TRPV2: variants seen among roughly 807,000 people sequenced by gnomAD.
TRPV2 encodes the protein transient receptor potential cation channel subfamily V member 2.
In TRPV2, 58 loss-of-function variants were observed where a neutral mutation model predicts 91.0. The observed-to-expected ratio is 0.64, with a 90% CI of 0.52 to 0.79. The LOEUF (loss-of-function observed/expected upper bound fraction) is 0.79. Among genes scored for constraint, TRPV2 ranks in the 30% least tolerant of loss-of-function variants. TRPV2 has a pLI of 0.00. For missense variants in TRPV2, 807 were observed against 969.6 expected, an observed-to-expected ratio of 0.83 and a Z score of 2.23; for synonymous variants, 417 against 414.8, an observed-to-expected ratio of 1.01 and a Z score of -0.06.
At chr17:16,430,800 T>A (rs1313373291) in intron 10 of TRPV2, among the ~76,000 whole-genome samples, 3 of 152,152 alleles carry the variant, frequency 2.0e-5, no homozygotes, top group Non-Finnish European at 4.4e-5. Context: ...CCTTCCTTTG[T>A]AAGGCTGAAT....
intron 9 of TRPV2, 123 bp downstream of exon 9, chr17:16,428,510 T>C: frequency 9.5e-7 from 1 of 1,050,736 alleles, no homozygotes. Flanking sequence ...TCGGGATCTG[T>C]GTACAGGCCA....
chr17:16,422,382 C>T (rs979363751), intron 3 of TRPV2, among the ~76,000 whole-genome samples: 24 of 151,794 alleles, frequency 1.6e-4, no homozygotes, highest in Non-Finnish European at 2.8e-4. Context: ...AATTTCGTTT[C>T]TAGGGCAGAA....
chr17:16,418,804 C>T (rs2093343047), intron 2 of TRPV2, among the ~76,000 whole-genome samples: 1 of 152,142 alleles, frequency 6.6e-6, no homozygotes. Flanking sequence ...GCCACTTCTG[C>T]CAGCCAGACT....
chr17:16,422,660 T>C lies in TRPV2; in HGVS notation c.396T>C (p.Asn132=). The part of the protein sequence containing the change: ...KAVLNLKDGV[N]ACILPLLQID... Reference sequence around the variant, plus strand: ...TGCTGAACCTTAAGGACGGAGTCAATGCCTGCATTCTGCCACTGCTGCAGA... The same window carrying C: ...TGCTGAACCTTAAGGACGGAGTCAACGCCTGCATTCTGCCACTGCTGCAGA... The change falls in exon 4 of 15, where the codon AAT becomes AAC. Residue 132 remains asparagine, a synonymous_variant. Coordinates refer to ENST00000338560, the MANE Select transcript of TRPV2 (RefSeq NM_016113.5). The C allele has an allele frequency of 6.2e-7, 1 of 1,614,070 alleles. No individual in the cohort carries two copies. Among genetic ancestry groups the C allele is most frequent in the Non-Finnish European group, 8.5e-7 (1 of 1,179,980 alleles).
rs2093382782 is a variant in TRPV2 at position 16,426,267 on chromosome 17, C to G, written c.1093C>G (p.Pro365Ala). The change falls in exon 6 of 15, where the codon CCG becomes GCG. Residue 365 changes from proline (P) to alanine (A), a missense_variant and splice_region_variant. Physicochemically the swap from Pro to Ala is conservative, Grantham distance 27. Coordinates refer to ENST00000338560, the MANE Select transcript of TRPV2 (RefSeq NM_016113.5). The surrounding 1 kb of genome is among the most constrained non-coding windows in gnomAD (Gnocchi z 6.0). ...LEIIAFHCKS[P>A]HRHRMVVLEP... ...GATCATTGCCTTTCATTGCAAGAGC[C>G]CGGTGAGCCCACAGGAGCATGGGTG... The G allele has an allele frequency of 1.2e-6, 2 of 1,614,070 alleles. No homozygotes were observed. Among genetic ancestry groups the G allele is most frequent in the Non-Finnish European group, 1.7e-6 (2 of 1,179,988 alleles).
intron 13 of TRPV2, chr17:16,434,687 C>T (rs2093427999): frequency 1.9e-6 from 1 of 520,016 alleles, no homozygotes; most frequent in African/African-American, 2.0e-5. Context: ...CTGATTCCTG[C>T]AAGTGAGCAC....
chr17:16,422,596 C>T lies in TRPV2; in HGVS notation c.335-3C>T. 1 of 1,611,364 alleles carries T rather than the reference C, an allele frequency of 6.2e-7. No homozygotes were observed. Among genetic ancestry groups the T allele is most frequent in the Non-Finnish European group, 8.5e-7 (1 of 1,178,220 alleles). The stretch of plus-strand genomic sequence containing the variant: ...TGCCCCTTCCCCTCCCTTCTTCCCA[C>T]AGAGGGCTCCACAGGTAAGACGTGC... On this transcript the variant is annotated splice_region_variant and splice_polypyrimidine_tract_variant and intron_variant, in intron 3 of 14. Transcript: ENST00000338560.
In TRPV2 at chr17:16,434,845, G is replaced by C. The variant is rs977589400; in HGVS notation, c.2115-45G>C. ...CGCCCCTCTCCGGGGTGGGAGGGGA[G>C]GCGGTCAAAGCAGGCAAACCTCAGA... On this transcript the variant is annotated intron_variant, in intron 13 of 14. Transcript: ENST00000338560. The C allele has an allele frequency of 3.1e-6, 5 of 1,590,346 alleles. No individual in the cohort carries two copies. In the African/African-American group the frequency reaches 6.7e-5, roughly 21 times the overall value.
At chr17:16,433,754 G>T in intron 13 of TRPV2, 56 bp downstream of exon 13, 1 of 1,597,146 alleles carries the variant, frequency 6.3e-7, no homozygotes. Context: ...AATCCCTGGG[G>T]CCCCCCTGCA....
intron 10 of TRPV2, among the ~76,000 whole-genome samples, chr17:16,431,291 A>ATATTTT (rs1333090555): frequency 7.4e-5 from 5 of 67,388 alleles, no homozygotes; most frequent in South Asian, 5.5e-4. Context: ...ATATATACAT[A>ATATTTT]TTTTTTTTTT....
intron 8 of TRPV2, 104 bp from the exon 9 acceptor site, chr17:16,428,213 C>G: frequency 1.9e-6 from 2 of 1,045,132 alleles, no homozygotes; most frequent in Non-Finnish European, 3.0e-6. Context: ...ACCAAAGCTG[C>G]TGACTTAGCT....
chr17:16,430,144 C>T (rs1385072982), intron 10 of TRPV2, among the ~76,000 whole-genome samples: 1 of 152,056 alleles, frequency 6.6e-6, no homozygotes, highest in Non-Finnish European at 1.5e-5. Context: ...GGATTACAGG[C>T]ATGAGCTACT....
intron 4 of TRPV2, 145 bp downstream of exon 4, chr17:16,423,034 C>A: frequency 9.6e-7 from 1 of 1,042,790 alleles, no homozygotes; most frequent in Non-Finnish European, 1.3e-6. Context: ...AGGCTGCCTG[C>A]AAAAGCAGTT....
chr17:16,436,735 C>A, intron 14 of TRPV2, 54 bp from the exon 15 acceptor site: 3 of 1,346,566 alleles, frequency 2.2e-6, no homozygotes, highest in Non-Finnish European at 3.2e-6. Flanking sequence ...CTGGTGCCTG[C>A]TTCCTGGGGA....
chr17:16,424,231 C>T (rs1347583483), intron 5 of TRPV2, among the ~76,000 whole-genome samples: 2 of 151,094 alleles, frequency 1.3e-5, no homozygotes, highest in Non-Finnish European at 2.9e-5. Flanking sequence ...GATCTCGGCT[C>T]ACTGCAACCT....
At position 16,434,178 on chromosome 17, in the gene TRPV2, G is replaced by C. The variant is rs556731199; in HGVS notation, c.2114+480G>C. On this transcript the variant is annotated intron_variant, in intron 13 of 14. Coordinates refer to ENST00000338560, the MANE Select transcript of TRPV2 (RefSeq NM_016113.5). The stretch of plus-strand genomic sequence containing the variant: ...AGTGACAAACACACAGCTAAAAACA[G>C]ACACTGTCGGCCGGGTGCAGTGGCT... Among the ~76,000 whole-genome samples the C allele has an allele frequency of 1.8e-4, 27 of 152,242 alleles. No individual in the cohort carries two copies. The South Asian group carries it at 5.6e-3, about 32-fold the overall frequency.
At chr17:16,436,383 T>C (rs1274129698) in intron 14 of TRPV2, among the ~76,000 whole-genome samples, 1 of 152,202 alleles carries the variant, frequency 6.6e-6, no homozygotes, top group African/African-American at 2.4e-5. Flanking sequence ...TACTCCTTGT[T>C]CTTTGCTTTC....
intron 2 of TRPV2, among the ~76,000 whole-genome samples, chr17:16,418,739 C>G (rs564467392): frequency 1.5e-4 from 23 of 152,170 alleles, no homozygotes; most frequent in Admixed American, 9.8e-4. Context: ...CAATGGGCTT[C>G]CCTACCCCAG....
At chr17:16,428,671 C>T (rs936273193) in intron 9 of TRPV2, 146 bp from the exon 10 acceptor site, 3 of 858,018 alleles carry the variant, frequency 3.5e-6, no homozygotes, top group East Asian at 2.5e-5. Flanking sequence ...TATTATTATG[C>T]CCATTTTACA....
Sources: gnomAD v4.1 joint callset for allele counts (sites outside exome capture counted in the v4.1 genomes callset) on GRCh38, gnomAD v4.1.1 for gene constraint, Gnocchi (gnomAD v3.1) non-coding constraint, MANE v1.5 for transcripts, NCBI Gene and HGNC (gene_info 2026-07-23, HGNC 2026-07-21) for gene names.